ROR1: variants seen among roughly 807,000 people sequenced by gnomAD.
ROR1 encodes ROR family WNT receptor 1.
In ROR1, 19 loss-of-function variants were observed where a neutral mutation model predicts 78.8. The ratio of observed to expected loss-of-function variants is 0.24; its 90% CI spans 0.17 to 0.35. ROR1 has a LOEUF of 0.35. Among genes scored for constraint, ROR1 ranks in the 10% least tolerant of loss-of-function variants. The pLI is 1.00. For missense variants in ROR1, 917 were observed against 1,177.8 expected, an observed-to-expected ratio of 0.78 and a Z score of 3.24; for synonymous variants, 386 against 433.6, an observed-to-expected ratio of 0.89 and a Z score of 1.36.
chr1:63,829,111 AG>A (rs1644971721), intron 1 of ROR1, among the ~76,000 whole-genome samples: 1 of 152,202 alleles, frequency 6.6e-6, no homozygotes, highest in Non-Finnish European at 1.5e-5. Flanking sequence ...CCTAGAACAT[AG>A]TTGCTATAAT....
chr1:63,983,244 G>A (rs964726337), intron 1 of ROR1, among the ~76,000 whole-genome samples: 6 of 151,904 alleles, frequency 3.9e-5, no homozygotes, highest in South Asian at 2.1e-4. Context: ...ACGGAAGTCC[G>A]GAAGACTCAG....
At chr1:64,164,145 A>G (rs1350236903) in intron 8 of ROR1, among the ~76,000 whole-genome samples, 13 of 151,544 alleles carry the variant, frequency 8.6e-5, no homozygotes, top group Admixed American at 8.5e-4. Context: ...TTCCTCTCTC[A>G]TTCTCTTGAG....
chr1:63,833,970 T>C (rs955798079), intron 1 of ROR1, among the ~76,000 whole-genome samples: 2 of 151,834 alleles, frequency 1.3e-5, no homozygotes, highest in Non-Finnish European at 2.9e-5. Context: ...GAGGGCTTTT[T>C]TTTGACTTTT....
chr1:63,890,344 G>A (rs1197726446), intron 1 of ROR1, among the ~76,000 whole-genome samples: 1 of 151,102 alleles, frequency 6.6e-6, no homozygotes, highest in Non-Finnish European at 1.5e-5. Flanking sequence ...CCTAGGTTAA[G>A]GGAATTTGTT....
In ROR1 at chr1:63,785,589, C is replaced by G. The variant is rs186049032; in HGVS notation, c.91+11081C>G. Among the ~76,000 whole-genome samples, 36 of 151,946 alleles carry G rather than the reference C, an allele frequency of 2.4e-4. No homozygotes were observed. The East Asian group carries it at 6.4e-3, about 27-fold the overall frequency. ...CCAAGCTGGAGTGCAGTGGCACGAT[C>G]TCAGCTCACTGCAACTTCTGCCTCC... is the stretch of plus-strand genomic sequence containing the variant. On this transcript the variant is annotated intron_variant, in intron 1 of 8. Coordinates refer to ENST00000371079, the MANE Select transcript of ROR1 (RefSeq NM_005012.4).
intron 1 of ROR1, among the ~76,000 whole-genome samples, chr1:63,846,278 T>G (rs192330123): frequency 6.6e-6 from 1 of 152,210 alleles, no homozygotes; most frequent in African/African-American, 2.4e-5. Context: ...AGAGTTATTT[T>G]CTATTAACTC....
intron 4 of ROR1, among the ~76,000 whole-genome samples, chr1:64,112,978 T>C (rs1372934574): frequency 2.6e-5 from 4 of 152,128 alleles, no homozygotes; most frequent in Non-Finnish European, 5.9e-5. Flanking sequence ...ATAATAAGCA[T>C]GTGATAAATT....
chr1:64,007,495 C>T (rs1365190865), intron 1 of ROR1, among the ~76,000 whole-genome samples: 1 of 151,484 alleles, frequency 6.6e-6, no homozygotes, highest in Non-Finnish European at 1.5e-5. Flanking sequence ...AGAACAACAA[C>T]CAAGATTATT....
intron 2 of ROR1, among the ~76,000 whole-genome samples, chr1:64,024,633 T>G (rs1489411451): frequency 1.3e-5 from 2 of 152,164 alleles, no homozygotes; most frequent in Non-Finnish European, 2.9e-5. Context: ...ATAAATGCCT[T>G]AAAGGGCCCA....
intron 1 of ROR1, among the ~76,000 whole-genome samples, chr1:63,970,791 G>C (rs1178601699): frequency 6.6e-6 from 1 of 152,148 alleles, no homozygotes; most frequent in African/African-American, 2.4e-5. Context: ...TATTTCCATT[G>C]TACAGATGAG....
At chr1:64,132,783 A>G (rs10157532) in intron 4 of ROR1, among the ~76,000 whole-genome samples, 15,674 of 132,816 alleles carry the variant, frequency 0.12, 909 homozygotes, top group Middle Eastern at 0.17. Flanking sequence ...AAAAAAAAAA[A>G]AGAGAGAGAG....
chr1:63,986,093 A>G (rs959451823), intron 1 of ROR1, among the ~76,000 whole-genome samples: 4 of 152,306 alleles, frequency 2.6e-5, no homozygotes, highest in East Asian at 1.9e-4. Context: ...ATGGAAAAAA[A>G]CTTAGAAATA....
rs534219933 is a variant in ROR1, at chr1:64,141,431, C to A, written c.929-974C>A. Among the ~76,000 whole-genome samples, 3 of 152,168 alleles carry A rather than the reference C, an allele frequency of 2.0e-5. No homozygotes were observed. The South Asian group carries it at 6.2e-4, about 32-fold the overall frequency. On this transcript the variant is annotated intron_variant, in intron 6 of 8. Coordinates refer to ENST00000371079, the MANE Select transcript of ROR1 (RefSeq NM_005012.4). Reference sequence around the variant, plus strand: ...ACTTACTATCCCAAGGACAGTACCACGGGGGGTTTGTGCTAAACCATTCAC... The same window carrying A: ...ACTTACTATCCCAAGGACAGTACCAAGGGGGGTTTGTGCTAAACCATTCAC...
chr1:63,919,912 T>C (rs1487723191), intron 1 of ROR1, among the ~76,000 whole-genome samples: 1 of 152,182 alleles, frequency 6.6e-6, no homozygotes, highest in East Asian at 1.9e-4. Flanking sequence ...GGTTCAACTA[T>C]CCGGGAAAAC....
intron 1 of ROR1, among the ~76,000 whole-genome samples, chr1:63,857,064 A>T (rs1645153276): frequency 6.6e-6 from 1 of 152,180 alleles, no homozygotes; most frequent in Non-Finnish European, 1.5e-5. Context: ...TCAGGTGTGT[A>T]ACAGTTGCTC....
intron 8 of ROR1, 63 bp from the exon 9 acceptor site, chr1:64,177,365 G>T: frequency 7.9e-7 from 1 of 1,266,268 alleles, no homozygotes; most frequent in South Asian, 1.4e-5. Context: ...CCCTCCTTTC[G>T]GATGCAAAGC....
intron 8 of ROR1, among the ~76,000 whole-genome samples, chr1:64,170,209 C>G (rs1001536795): frequency 7.9e-5 from 12 of 152,232 alleles, no homozygotes; most frequent in Non-Finnish European, 1.5e-4. Context: ...GAGGGCCTCA[C>G]CCCTGCAGCA....
At chr1:63,991,142 G>T (rs994880332) in intron 1 of ROR1, among the ~76,000 whole-genome samples, 34 of 151,790 alleles carry the variant, frequency 2.2e-4, no homozygotes, top group African/African-American at 8.2e-4. Flanking sequence ...GTAGAGTCAG[G>T]GTCTCACTAT....
chr1:64,133,499 G>A (rs1557667733), intron 4 of ROR1, among the ~76,000 whole-genome samples: 1 of 152,178 alleles, frequency 6.6e-6, no homozygotes. Flanking sequence ...AGACCCTGGA[G>A]GTGGATTACA....
Sources: gnomAD v4.1 joint callset for allele counts (sites outside exome capture counted in the v4.1 genomes callset) on GRCh38, gnomAD v4.1.1 for gene constraint, MANE v1.5 for transcripts, NCBI Gene and HGNC (gene_info 2026-07-23, HGNC 2026-07-21) for gene names.